CPQ: variants seen among roughly 807,000 people sequenced by gnomAD.
The protein encoded by CPQ is carboxypeptidase Q.
CPQ carries 37 observed loss-of-function variants against 45.7 expected under a neutral mutation model. The ratio of observed to expected loss-of-function variants is 0.81; its 90% CI spans 0.62 to 1.07. The LOEUF is 1.07. CPQ is among the 50% of genes least tolerant of loss of function. The probability of loss-of-function intolerance (pLI) is 0.00; values close to 1 mark genes in which losing one functional copy is unlikely to be tolerated. For missense variants in CPQ, 537 were observed against 572.9 expected (o/e 0.94, Z 0.64); for synonymous variants, 186 against 205.8 (o/e 0.90, Z 0.82).
intron 7 of CPQ, among the ~76,000 whole-genome samples, chr8:97,108,981 T>G (rs904581325): frequency 6.6e-6 from 1 of 152,194 alleles, no homozygotes; most frequent in African/African-American, 2.4e-5. Context: ...TCCCTCAGCA[T>G]AGCTTGTAAC....
At chr8:97,124,302 C>T (rs1811809651) in intron 7 of CPQ, among the ~76,000 whole-genome samples, 1 of 143,616 alleles carries the variant, frequency 7.0e-6, no homozygotes, top group South Asian at 2.2e-4. Flanking sequence ...AAAAAACTGA[C>T]AGAATTGAAA....
Position 96,782,673 on chromosome 8 carries a change from CA to C in CPQ, c.-34-2190del, listed in dbSNP as rs113444310. On this transcript the variant is annotated intron_variant, in intron 1 of 7. Coordinates refer to ENST00000220763, the MANE Select transcript of CPQ (RefSeq NM_016134.4). ...TTTACATGGCCAGGCTGTGAATTTT[CA>C]TAATTTTTATGTTCTATTTCCCCTT... Among the ~76,000 whole-genome samples the C allele has an allele frequency of 1.2e-3, 178 of 152,246 alleles. 1 individual carries two copies. The highest frequency in any genetic ancestry group is 3.4e-3 in the African/African-American group (143 of 41,562).
intron 5 of CPQ, among the ~76,000 whole-genome samples, chr8:97,020,588 A>G (rs1809661369): frequency 1.3e-5 from 2 of 152,164 alleles, no homozygotes; most frequent in African/African-American, 2.4e-5. Context: ...CAAGGGTACT[A>G]TGAACACCTT....
chr8:96,924,827 G>A (rs1812852150), intron 4 of CPQ, among the ~76,000 whole-genome samples: 1 of 152,178 alleles, frequency 6.6e-6, no homozygotes, highest in Non-Finnish European at 1.5e-5. Context: ...ACTTTCAAGA[G>A]TCAAAGTTTA....
chr8:97,061,245 G>A (rs1233748697), intron 6 of CPQ, among the ~76,000 whole-genome samples: 1 of 152,004 alleles, frequency 6.6e-6, no homozygotes, highest in Admixed American at 6.6e-5. Context: ...GAAGCAAATT[G>A]TGGAGCAAGA....
intron 5 of CPQ, among the ~76,000 whole-genome samples, chr8:96,973,171 C>T (rs1283999044): frequency 1.3e-5 from 2 of 151,906 alleles, no homozygotes; most frequent in Non-Finnish European, 2.9e-5. Context: ...GTGAAATAGA[C>T]AGCATAAATG....
At chr8:97,138,156 T>C (rs1812096166) in intron 7 of CPQ, among the ~76,000 whole-genome samples, 1 of 152,218 alleles carries the variant, frequency 6.6e-6, no homozygotes, top group South Asian at 2.1e-4. Flanking sequence ...CTACATTCAG[T>C]CTATTTTCAG....
intron 3 of CPQ, among the ~76,000 whole-genome samples, chr8:96,868,507 A>G (rs538611373): frequency 6.6e-6 from 1 of 152,108 alleles, no homozygotes; most frequent in East Asian, 1.9e-4. Context: ...ACATACATAA[A>G]CACTCATACC....
intron 2 of CPQ, among the ~76,000 whole-genome samples, chr8:96,816,464 T>C (rs1386886480): frequency 6.6e-6 from 1 of 152,118 alleles, no homozygotes; most frequent in African/African-American, 2.4e-5. Flanking sequence ...TCCATGAGGG[T>C]TGGAATCAAC....
chr8:96,743,990 G>C (rs1171679570), intron 1 of CPQ, among the ~76,000 whole-genome samples: 3 of 152,246 alleles, frequency 2.0e-5, no homozygotes, highest in Non-Finnish European at 4.4e-5. Context: ...TCCTTGAGCT[G>C]TGGTGGGCTC....
intron 4 of CPQ, among the ~76,000 whole-genome samples, chr8:96,883,986 A>C (rs1812266408): frequency 6.6e-6 from 1 of 152,196 alleles, no homozygotes. Flanking sequence ...GGATGTTACT[A>C]ATCTTGATCC....
intron 5 of CPQ, among the ~76,000 whole-genome samples, chr8:96,995,245 A>G (rs533789299): frequency 6.6e-6 from 1 of 152,084 alleles, no homozygotes; most frequent in East Asian, 1.9e-4. Flanking sequence ...TAAATGAGAT[A>G]AAAATTTATA....
chr8:96,824,981 C>G (rs969504277), intron 2 of CPQ, among the ~76,000 whole-genome samples: 4 of 152,016 alleles, frequency 2.6e-5, no homozygotes, highest in Non-Finnish European at 4.4e-5. Context: ...GGGACATCCC[C>G]TGTGGTGGCC....
chr8:96,784,308 G>A (rs1382521829), intron 1 of CPQ, among the ~76,000 whole-genome samples: 1 of 151,570 alleles, frequency 6.6e-6, no homozygotes, highest in Admixed American at 6.6e-5. Context: ...ACCACAGTTT[G>A]TGGCATCTAG....
chr8:96,675,124 G>A (rs1809059064), intron 1 of CPQ, among the ~76,000 whole-genome samples: 1 of 151,860 alleles, frequency 6.6e-6, no homozygotes, highest in African/African-American at 2.4e-5. Flanking sequence ...AGTTTTTGAG[G>A]TAATATATAC....
At chr8:97,096,381 A>G (rs1811210746) in intron 7 of CPQ, among the ~76,000 whole-genome samples, 1 of 152,188 alleles carries the variant, frequency 6.6e-6, no homozygotes, top group East Asian at 1.9e-4. Context: ...TTACATGTCT[A>G]CTTTATGTTG....
chr8:96,869,221 G>A (rs533249723), intron 3 of CPQ, among the ~76,000 whole-genome samples: 1 of 151,924 alleles, frequency 6.6e-6, no homozygotes, highest in South Asian at 2.1e-4. Flanking sequence ...TAATTTTAAA[G>A]CACCAAATTT....
At chr8:97,130,977 A>G (rs1168983054) in intron 7 of CPQ, among the ~76,000 whole-genome samples, 1 of 152,212 alleles carries the variant, frequency 6.6e-6, no homozygotes, top group African/African-American at 2.4e-5. Context: ...GGACGCTGCC[A>G]GGTGACCAAG....
intron 7 of CPQ, among the ~76,000 whole-genome samples, chr8:97,082,973 T>A (rs1410620064): frequency 6.6e-6 from 1 of 152,196 alleles, no homozygotes; most frequent in Non-Finnish European, 1.5e-5. Flanking sequence ...ATTTGGATTG[T>A]TCTAACCACT....
Sources: gnomAD v4.1 joint callset for allele counts (sites outside exome capture counted in the v4.1 genomes callset) on GRCh38, gnomAD v4.1.1 for gene constraint, MANE v1.5 for transcripts, NCBI Gene and HGNC (gene_info 2026-07-23, HGNC 2026-07-21) for gene names.